Variants in CTNNA2 observed in about 807,000 individuals in gnomAD.
CTNNA2 encodes the protein catenin alpha 2.
CTNNA2 carries 42 observed loss-of-function variants against 101.0 expected under a neutral mutation model. The observed-to-expected ratio is 0.42, with a 90% CI of 0.32 to 0.54. CTNNA2 has a LOEUF of 0.54. Among genes scored for constraint, CTNNA2 ranks in the 20% least tolerant of loss-of-function variants. The pLI is 0.14. For missense variants in CTNNA2, 871 were observed against 1,223.1 expected, an observed-to-expected ratio of 0.71 and a Z score of 4.29; for synonymous variants, 450 against 456.4, an observed-to-expected ratio of 0.99 and a Z score of 0.18.
chr2:79,516,776 G>C (rs761186337), intron 1 of CTNNA2, among the ~76,000 whole-genome samples: 13 of 152,012 alleles, frequency 8.6e-5, no homozygotes, highest in Non-Finnish European at 1.5e-4. Context: ...CAAGGCAGAG[G>C]GAAAACTTGA....
At chr2:80,517,076 A>C (rs1559174330) in intron 9 of CTNNA2, among the ~76,000 whole-genome samples, 1 of 152,140 alleles carries the variant, frequency 6.6e-6, no homozygotes, top group Non-Finnish European at 1.5e-5. Flanking sequence ...TGCTGCACAG[A>C]AAGGTAAAAA....
intron 4 of CTNNA2, among the ~76,000 whole-genome samples, chr2:79,475,679 C>CT (rs1553413975): frequency 2.1e-4 from 31 of 149,794 alleles, no homozygotes; most frequent in South Asian, 4.2e-4. Flanking sequence ...TCTTTGAATA[C>CT]TTTTTTTTTT....
intron 7 of CTNNA2, among the ~76,000 whole-genome samples, chr2:80,386,175 A>G (rs1198120961): frequency 2.6e-5 from 4 of 152,218 alleles, no homozygotes; most frequent in Admixed American, 2.6e-4. Context: ...CTGGCAGAGA[A>G]GAATCAGAGA....
At chr2:80,340,479 C>A (rs1199350304) in intron 7 of CTNNA2, among the ~76,000 whole-genome samples, 1 of 152,122 alleles carries the variant, frequency 6.6e-6, no homozygotes, top group African/African-American at 2.4e-5. Flanking sequence ...TTTCTTTAAT[C>A]TTCATAATTT....
chr2:79,678,449 C>G (rs1683335239), intron 2 of CTNNA2, among the ~76,000 whole-genome samples: 1 of 151,228 alleles, frequency 6.6e-6, no homozygotes, highest in South Asian at 2.1e-4. Flanking sequence ...GTGGGAGGAT[C>G]ACTTGAGCCT....
At chr2:80,365,571 GAA>G (rs3040567) in intron 7 of CTNNA2, among the ~76,000 whole-genome samples, 9,382 of 135,876 alleles carry the variant, frequency 0.069, 990 homozygotes, top group African/African-American at 0.23. Flanking sequence ...GTGTTTTTTG[GAA>G]AAAAAAAAAA....
intron 4 of CTNNA2, among the ~76,000 whole-genome samples, chr2:79,391,593 C>A (rs369864362): frequency 2.0e-5 from 3 of 152,100 alleles, no homozygotes; most frequent in African/African-American, 7.2e-5. Context: ...ATGGTTCCAG[C>A]GTCTCCTGCA....
intron 4 of CTNNA2, among the ~76,000 whole-genome samples, chr2:79,424,495 G>C (rs920021523): frequency 4.6e-5 from 7 of 151,964 alleles, no homozygotes; most frequent in Non-Finnish European, 1.0e-4. Flanking sequence ...TTATGTAATG[G>C]GCACACCGTT....
intron 4 of CTNNA2, among the ~76,000 whole-genome samples, chr2:79,859,752 T>C (rs576889460): frequency 6.6e-6 from 1 of 152,264 alleles, no homozygotes; most frequent in Non-Finnish European, 1.5e-5. Context: ...CAGAGGCTGG[T>C]GAAGGGCAGT....
intron 7 of CTNNA2, among the ~76,000 whole-genome samples, chr2:79,956,848 T>TTTTTTC (rs1211644207): frequency 6.7e-4 from 24 of 35,680 alleles, no homozygotes; most frequent in Middle Eastern, 8.3e-3. Flanking sequence ...TGTGGGTTTT[T>TTTTTTC]TTTTTTTTTT....
At chr2:79,720,681 T>A (rs1007245568) in intron 2 of CTNNA2, among the ~76,000 whole-genome samples, 1 of 152,106 alleles carries the variant, frequency 6.6e-6, no homozygotes, top group African/African-American at 2.4e-5. Context: ...TGATTTGACT[T>A]TCAGCATGGA....
At chr2:79,637,371 G>A (rs1270231111) in intron 1 of CTNNA2, among the ~76,000 whole-genome samples, 1 of 152,238 alleles carries the variant, frequency 6.6e-6, no homozygotes, top group East Asian at 1.9e-4. Flanking sequence ...TTCTAATAAG[G>A]CAATTGGGAA....
chr2:79,439,872 T>A (rs1678758274), intron 4 of CTNNA2, among the ~76,000 whole-genome samples: 1 of 152,186 alleles, frequency 6.6e-6, no homozygotes, highest in Non-Finnish European at 1.5e-5. Context: ...TTTGGATGCA[T>A]GCTGGTGTTT....
chr2:79,541,485 A>G (rs1673418859), intron 1 of CTNNA2, among the ~76,000 whole-genome samples: 1 of 150,760 alleles, frequency 6.6e-6, no homozygotes, highest in Non-Finnish European at 1.5e-5. Context: ...AAAAATATGT[A>G]CTAAAGGATA....
intron 4 of CTNNA2, among the ~76,000 whole-genome samples, chr2:79,426,416 A>G (rs1465996437): frequency 1.3e-5 from 2 of 152,092 alleles, no homozygotes; most frequent in Non-Finnish European, 2.9e-5. Flanking sequence ...TGGAGTAACA[A>G]TTTATATGGT....
intron 18 of CTNNA2, among the ~76,000 whole-genome samples, chr2:80,641,467 T>A (rs1308198675): frequency 6.6e-6 from 1 of 152,188 alleles, no homozygotes; most frequent in African/African-American, 2.4e-5. Context: ...CAAATCCTAA[T>A]TCTCTTCTTT....
intron 7 of CTNNA2, among the ~76,000 whole-genome samples, chr2:80,359,932 G>A (rs940276619): frequency 2.6e-5 from 4 of 152,056 alleles, no homozygotes; most frequent in Admixed American, 1.3e-4. Flanking sequence ...ACAAGCTATT[G>A]TGATTTTGAT....
intron 7 of CTNNA2, among the ~76,000 whole-genome samples, chr2:80,197,513 G>A (rs980742): frequency 0.99 from 150,904 of 152,342 alleles, 74,746 homozygotes; most frequent in East Asian, 1. Context: ...TGATAAACAT[G>A]TAGTGATTTG....
intron 3 of CTNNA2, among the ~76,000 whole-genome samples, chr2:79,834,766 A>G (rs1405338443): frequency 3.4e-5 from 1 of 29,440 alleles, no homozygotes; most frequent in Non-Finnish European, 8.1e-5. Context: ...CCTATTTAAG[A>G]AATTTTTTTC....
Sources: allele counts gnomAD v4.1 joint callset (sites outside exome capture counted in the v4.1 genomes callset), GRCh38; gene constraint gnomAD v4.1.1; transcripts MANE v1.5; gene names NCBI Gene and HGNC (gene_info 2026-07-23, HGNC 2026-07-21).